The following SNTG2 variants were observed in gnomAD, a reference collection of about 807,000 sequenced individuals.
The protein encoded by SNTG2 is syntrophin gamma 2.
Under a neutral mutation model 70.9 loss-of-function variants are expected in SNTG2, and 74 were observed. The observed-to-expected ratio is 1.04, with a 90% CI of 0.86 to 1.27. The LOEUF (loss-of-function observed/expected upper bound fraction) is 1.27, where lower values mean the gene tolerates loss of function less well. SNTG2 is among the 50% of genes most tolerant of loss of function. The pLI is 0.00. For synonymous variants in SNTG2, 278 were observed against 273.8 expected (o/e 1.02, Z -0.15); for missense variants, 717 against 690.7 (o/e 1.04, Z -0.43).
chr2:1,219,657 T>A (rs1223326389), intron 9 of SNTG2, among the ~76,000 whole-genome samples: 1 of 151,928 alleles, frequency 6.6e-6, no homozygotes, highest in African/African-American at 2.4e-5. Context: ...CTTTCTTTTT[T>A]TTTTCTAAAA....
intron 6 of SNTG2, among the ~76,000 whole-genome samples, chr2:1,141,590 G>A (rs1040527948): frequency 1.3e-5 from 2 of 152,246 alleles, no homozygotes; most frequent in Admixed American, 6.5e-5. Flanking sequence ...AGAGGCAATC[G>A]AAAGAAATGG....
rs149697202 is a variant in SNTG2, at chr2:1,348,244, C to T, written c.1489-19099C>T. The stretch of plus-strand genomic sequence containing the variant: ...TAAACCAAAAATAAAATTCTAAAGC[C>T]CCCCAGCCATCTGAATGGACTTCCT... On this transcript the variant is annotated intron_variant, in intron 16 of 16. Transcript: ENST00000308624. Among the ~76,000 whole-genome samples the T allele has an allele frequency of 3.5e-3, 537 of 152,228 alleles. 5 individuals are homozygous for T. Among genetic ancestry groups the T allele is most frequent in the African/African-American group, 0.012 (511 of 41,542 alleles).
At chr2:1,148,972 G>A (rs117582347) in intron 6 of SNTG2, among the ~76,000 whole-genome samples, 1,931 of 152,186 alleles carry the variant, frequency 0.013, 19 homozygotes, top group Middle Eastern at 0.054. Context: ...TCTGTGCATC[G>A]CCCCTTTCCC....
chr2:1,257,447 G>C (rs900978820), intron 12 of SNTG2, among the ~76,000 whole-genome samples: 2 of 152,282 alleles, frequency 1.3e-5, no homozygotes, highest in East Asian at 1.9e-4. Flanking sequence ...AGGAAGGCAG[G>C]ACTACGGCAA....
At chr2:1,276,523 T>C (rs1438981464) in intron 14 of SNTG2, among the ~76,000 whole-genome samples, 1 of 152,234 alleles carries the variant, frequency 6.6e-6, no homozygotes, top group Non-Finnish European at 1.5e-5. Flanking sequence ...TTAAGCCCAC[T>C]GTTGAGACCT....
intron 16 of SNTG2, among the ~76,000 whole-genome samples, chr2:1,327,442 G>A (rs1681807676): frequency 6.6e-6 from 1 of 152,112 alleles, no homozygotes; most frequent in South Asian, 2.1e-4. Flanking sequence ...AAAGCTTTAA[G>A]GGTACAGTTA....
chr2:1,306,679 G>GGTGTGTGT (rs1340457209), intron 14 of SNTG2, among the ~76,000 whole-genome samples: 4 of 76,552 alleles, frequency 5.2e-5, no homozygotes, highest in Admixed American at 1.5e-4. Flanking sequence ...CCTCGGCCAG[G>GGTGTGTGT]GTGTGAGTGT....
intron 9 of SNTG2, among the ~76,000 whole-genome samples, chr2:1,217,125 T>C (rs934578726): frequency 1.3e-5 from 2 of 152,078 alleles, no homozygotes; most frequent in Admixed American, 6.5e-5. Context: ...CAGTTCTTTT[T>C]TTAAAAAAAA....
chr2:1,188,292 CA>C (rs1445393687), intron 8 of SNTG2, among the ~76,000 whole-genome samples: 9 of 151,362 alleles, frequency 5.9e-5, no homozygotes, highest in African/African-American at 1.5e-4. Context: ...GAAGAAATTA[CA>C]AAAAACCTGA....
intron 1 of SNTG2, among the ~76,000 whole-genome samples, chr2:970,279 T>C (rs1303502269): frequency 6.6e-6 from 1 of 152,198 alleles, no homozygotes; most frequent in Non-Finnish European, 1.5e-5. Context: ...TGAGGATTTT[T>C]TTTAATTATT....
chr2:1,365,956 A>G (rs1661456684), intron 16 of SNTG2, among the ~76,000 whole-genome samples: 1 of 152,020 alleles, frequency 6.6e-6, no homozygotes, highest in African/African-American at 2.4e-5. Context: ...CTGGGGCCCC[A>G]TTCTCCACCC....
At chr2:1,270,818 T>C (rs1448698700) in intron 14 of SNTG2, among the ~76,000 whole-genome samples, 1 of 152,250 alleles carries the variant, frequency 6.6e-6, no homozygotes, top group Non-Finnish European at 1.5e-5. Context: ...CCAACCCGAC[T>C]TGCAATTTTA....
chr2:1,233,588 G>A (rs1330767670), intron 9 of SNTG2, among the ~76,000 whole-genome samples: 2 of 152,184 alleles, frequency 1.3e-5, no homozygotes, highest in African/African-American at 4.8e-5. Context: ...AGGAAGAACG[G>A]CTTAAACAGA....
chr2:1,265,782 G>T (rs1251205861), intron 13 of SNTG2, among the ~76,000 whole-genome samples: 2 of 152,232 alleles, frequency 1.3e-5, no homozygotes, highest in Non-Finnish European at 2.9e-5. Flanking sequence ...TCAGAATCAT[G>T]ATGGGAAGAC....
At chr2:1,011,228 C>G (rs1219537930) in intron 1 of SNTG2, among the ~76,000 whole-genome samples, 3 of 152,206 alleles carry the variant, frequency 2.0e-5, no homozygotes, top group Non-Finnish European at 4.4e-5. Flanking sequence ...CAGGTGGGAG[C>G]AGGGCGGAGC....
chr2:1,077,194 A>G (rs1045585166), intron 1 of SNTG2, among the ~76,000 whole-genome samples: 4 of 152,190 alleles, frequency 2.6e-5, no homozygotes, highest in African/African-American at 9.6e-5. Flanking sequence ...AATTCTTAGA[A>G]GTAAAAATGC....
intron 1 of SNTG2, among the ~76,000 whole-genome samples, chr2:1,005,362 A>G (rs1461424445): frequency 1.3e-5 from 2 of 151,960 alleles, no homozygotes; most frequent in African/African-American, 4.8e-5. Flanking sequence ...CACCAATGAT[A>G]ACAAATGCGC....
chr2:1,218,458 A>G (rs1674540320), intron 9 of SNTG2, among the ~76,000 whole-genome samples: 1 of 152,214 alleles, frequency 6.6e-6, no homozygotes, highest in African/African-American at 2.4e-5. Flanking sequence ...CTTCTTAGAA[A>G]TTCATCCTTT....
At chr2:1,019,956 T>G (rs1388777902) in intron 1 of SNTG2, among the ~76,000 whole-genome samples, 1 of 152,032 alleles carries the variant, frequency 6.6e-6, no homozygotes, top group African/African-American at 2.4e-5. Flanking sequence ...GGTAGGAGAA[T>G]TGCTTGAACT....
Sources: allele counts gnomAD v4.1 joint callset (sites outside exome capture counted in the v4.1 genomes callset), GRCh38; gene constraint gnomAD v4.1.1; transcripts MANE v1.5; gene names NCBI Gene and HGNC (gene_info 2026-07-23, HGNC 2026-07-21).